Variants in FGGY observed in about 807,000 individuals in gnomAD.
FGGY encodes the protein FGGY carbohydrate kinase domain containing.
A neutral mutation model predicts 71.3 loss-of-function variants in FGGY; 72 were observed. The observed-to-expected ratio is 1.01, with a 90% CI of 0.84 to 1.23. The LOEUF (loss-of-function observed/expected upper bound fraction) is 1.23, where lower values mean the gene tolerates loss of function less well. Among genes scored for constraint, FGGY ranks in the 50% most tolerant of loss-of-function variants. The pLI is 0.00. For missense variants in FGGY, 668 were observed against 682.3 expected (o/e 0.98, Z 0.23); for synonymous variants, 251 against 250.3 (o/e 1.00, Z -0.02).
intron 14 of FGGY, among the ~76,000 whole-genome samples, chr1:59,738,811 G>C (rs2098125341): frequency 6.6e-6 from 1 of 152,184 alleles, no homozygotes; most frequent in Non-Finnish European, 1.5e-5. Flanking sequence ...TATAAATGAG[G>C]AAATTCCATA....
chr1:59,645,619 CAA>C (rs1277014222), intron 11 of FGGY, among the ~76,000 whole-genome samples: 3 of 152,216 alleles, frequency 2.0e-5, no homozygotes, highest in Non-Finnish European at 4.4e-5. Flanking sequence ...TAGGAATTTT[CAA>C]AGAGTCCTTG....
At chr1:59,546,514 G>GATT (rs1248154933) in intron 7 of FGGY, among the ~76,000 whole-genome samples, 29 of 144,896 alleles carry the variant, frequency 2.0e-4, no homozygotes, top group African/African-American at 2.9e-4. Context: ...TGATGATGAT[G>GATT]ATGATGATGA....
chr1:59,579,180 C>G (rs1295453899), intron 8 of FGGY, among the ~76,000 whole-genome samples: 1 of 152,144 alleles, frequency 6.6e-6, no homozygotes, highest in African/African-American at 2.4e-5. Context: ...CCTCCCTTCT[C>G]AAAACCCCTC....
intron 13 of FGGY, 188 bp from the exon 14 acceptor site, chr1:59,673,851 G>A (rs1461421562): frequency 5.3e-6 from 3 of 563,300 alleles, no homozygotes; most frequent in Non-Finnish European, 9.7e-6. Flanking sequence ...TGCACCAGCA[G>A]GCACAGGCAG....
At chr1:59,465,200 G>T (rs992096984) in intron 6 of FGGY, among the ~76,000 whole-genome samples, 1 of 152,176 alleles carries the variant, frequency 6.6e-6, no homozygotes, top group Non-Finnish European at 1.5e-5. Flanking sequence ...ATGTAAGGCG[G>T]TTCCACATAT....
At chr1:59,443,267 C>T (rs1000623008) in intron 5 of FGGY, among the ~76,000 whole-genome samples, 3 of 151,988 alleles carry the variant, frequency 2.0e-5, no homozygotes, top group African/African-American at 7.3e-5. Flanking sequence ...CTCCAGAGGC[C>T]AGAATTAATC....
intron 14 of FGGY, among the ~76,000 whole-genome samples, chr1:59,700,422 T>C (rs2097700345): frequency 6.6e-6 from 1 of 152,174 alleles, no homozygotes; most frequent in South Asian, 2.1e-4. Context: ...TATCCCAATT[T>C]TTACCCACAT....
chr1:59,467,835 T>C (rs61160582), intron 6 of FGGY, among the ~76,000 whole-genome samples: 3,001 of 152,176 alleles, frequency 0.02, 106 homozygotes, highest in African/African-American at 0.07. Context: ...ATGTTTGAAT[T>C]AAGGATTTGA....
At chr1:59,464,670 A>G (rs941442638) in intron 6 of FGGY, among the ~76,000 whole-genome samples, 1 of 152,208 alleles carries the variant, frequency 6.6e-6, no homozygotes, top group Non-Finnish European at 1.5e-5. Context: ...TAGATGCAAT[A>G]AAAAATAATA....
At chr1:59,359,923 C>T (rs952294977) in intron 4 of FGGY, among the ~76,000 whole-genome samples, 1 of 152,190 alleles carries the variant, frequency 6.6e-6, no homozygotes, top group South Asian at 2.1e-4. Flanking sequence ...TCCTACCTGG[C>T]CTCCGTTTCT....
intron 11 of FGGY, among the ~76,000 whole-genome samples, chr1:59,644,302 T>A (rs1001352342): frequency 2.0e-5 from 3 of 152,176 alleles, no homozygotes; most frequent in African/African-American, 7.2e-5. Flanking sequence ...ATAGTATCAT[T>A]TTCTTTTTGT....
chr1:59,730,576 T>A (rs1160122881), intron 14 of FGGY, among the ~76,000 whole-genome samples: 2 of 152,206 alleles, frequency 1.3e-5, no homozygotes, highest in African/African-American at 4.8e-5. Context: ...CATATTGTTA[T>A]ACCAGGCACT....
At chr1:59,757,501 C>G (rs951556911) in intron 14 of FGGY, among the ~76,000 whole-genome samples, 3 of 152,102 alleles carry the variant, frequency 2.0e-5, no homozygotes, top group Non-Finnish European at 4.4e-5. Context: ...AGTACAGGTG[C>G]GAAGTGAGTT....
chr1:59,651,027 G>A (rs1446411241), intron 11 of FGGY, among the ~76,000 whole-genome samples: 2 of 151,562 alleles, frequency 1.3e-5, no homozygotes, highest in South Asian at 2.1e-4. Context: ...TCATTCAGGA[G>A]CAGGTTGTTC....
chr1:59,472,479 G>A (rs1965807), intron 6 of FGGY, among the ~76,000 whole-genome samples: 61,876 of 151,976 alleles, frequency 0.41, 12,764 homozygotes, highest in Middle Eastern at 0.5. Context: ...GGCGCACGGC[G>A]CGGGACTGGC....
intron 5 of FGGY, among the ~76,000 whole-genome samples, chr1:59,394,810 T>C (rs904456905): frequency 1.3e-5 from 2 of 152,074 alleles, no homozygotes; most frequent in Admixed American, 6.6e-5. Context: ...ATTCAGAAAA[T>C]TGGTGATATT....
intron 7 of FGGY, among the ~76,000 whole-genome samples, chr1:59,534,158 C>A (rs893116094): frequency 6.6e-6 from 1 of 151,872 alleles, no homozygotes; most frequent in Non-Finnish European, 1.5e-5. Flanking sequence ...AGCTGAAAAC[C>A]AAGGCTCGAG....
At chr1:59,326,513 AT>A (rs2047455621) in intron 2 of FGGY, among the ~76,000 whole-genome samples, 1 of 152,210 alleles carries the variant, frequency 6.6e-6, no homozygotes, top group Non-Finnish European at 1.5e-5. Flanking sequence ...TCCCATTTAC[AT>A]TTGAAAAACT....
intron 4 of FGGY, among the ~76,000 whole-genome samples, chr1:59,349,922 G>A (rs1202948718): frequency 6.6e-6 from 1 of 151,838 alleles, no homozygotes; most frequent in Non-Finnish European, 1.5e-5. Flanking sequence ...TCAAGTTCAC[G>A]GGTGATGCTA....
Sources: allele counts gnomAD v4.1 joint callset (sites outside exome capture counted in the v4.1 genomes callset), GRCh38; gene constraint gnomAD v4.1.1; transcripts MANE v1.5; gene names NCBI Gene and HGNC (gene_info 2026-07-23, HGNC 2026-07-21).